TMEM114: variants seen among roughly 807,000 people sequenced by gnomAD.
TMEM114 encodes claudin-26.
In TMEM114, 6 loss-of-function variants were observed where a neutral mutation model predicts 6.2. That is an observed-to-expected ratio of 0.97 (90% confidence interval 0.53 to 1.91). TMEM114 has a LOEUF of 1.91. Ranked by LOEUF, TMEM114 falls within the 40% of genes most tolerant of loss-of-function variation. TMEM114 has a pLI of 0.01. For synonymous variants in TMEM114, 104 were observed against 73.0 expected, an observed-to-expected ratio of 1.42 and a Z score of -2.16; for missense variants, 218 against 158.3, an observed-to-expected ratio of 1.38 and a Z score of -2.02.
chr16:8,565,039 G>A (rs111208702), downstream of TMEM114, among the ~76,000 whole-genome samples: 89 of 147,770 alleles, frequency 6.0e-4, no homozygotes, highest in African/African-American at 2.2e-3. Flanking sequence ...GTGAATGAGT[G>A]AGTGAATGAG....
chr16:8,527,954 C>G, the TMEM114 span, among the ~76,000 whole-genome samples: 14 of 152,180 alleles, frequency 9.2e-5, no homozygotes, highest in Non-Finnish European at 1.3e-4. Context: ...GCTGCCCAGG[C>G]TGGAGTGCAG....
At chr16:8,555,388 A>G (rs34150600) in intron 2 of TMEM114, among the ~76,000 whole-genome samples, 65,007 of 151,938 alleles carry the variant, frequency 0.43, 14,195 homozygotes, top group East Asian at 0.52. Context: ...GCAGTTTTGC[A>G]GTCGTCTTTA....
At chr16:8,560,124 C>G (rs1427996009) in intron 2 of TMEM114, among the ~76,000 whole-genome samples, 2 of 152,146 alleles carry the variant, frequency 1.3e-5, no homozygotes, top group Non-Finnish European at 2.9e-5. Flanking sequence ...TCCTGAGTAG[C>G]TGGGACTACA....
At chr16:8,559,383 C>G (rs1032240543) in intron 2 of TMEM114, among the ~76,000 whole-genome samples, 1 of 150,766 alleles carries the variant, frequency 6.6e-6, no homozygotes, top group African/African-American at 2.5e-5. Context: ...TTCCATCGCA[C>G]AGATCAGGAC....
At chr16:8,566,070 A>T (rs952508896), downstream of TMEM114, among the ~76,000 whole-genome samples, 3 of 152,280 alleles carry the variant, frequency 2.0e-5, no homozygotes, top group Non-Finnish European at 2.9e-5. Context: ...GGCAGGACAG[A>T]TCGAAACAGA....
chr16:8,557,627 C>T (rs1007835137), intron 2 of TMEM114, among the ~76,000 whole-genome samples: 14 of 152,210 alleles, frequency 9.2e-5, no homozygotes, highest in African/African-American at 3.4e-4. Flanking sequence ...CTTAAGAACA[C>T]AGGTGCTGGT....
At chr16:8,557,864 T>C (rs1435484457) in intron 2 of TMEM114, among the ~76,000 whole-genome samples, 2 of 152,202 alleles carry the variant, frequency 1.3e-5, no homozygotes, top group African/African-American at 2.4e-5. Flanking sequence ...ATAGTGACTT[T>C]AGTAACTTCT....
intron 1 of TMEM114, 129 bp downstream of exon 1, chr16:8,589,489 CG>C (rs1902416933): frequency 7.5e-6 from 3 of 397,968 alleles, no homozygotes; most frequent in Non-Finnish European, 1.3e-5. Flanking sequence ...ACCTTCCCCC[CG>C]AGTCCCTAGA....
chr16:8,577,233 T>G lies in TMEM114; in HGVS notation c.302-5009A>C, dbSNP rs577438609. ...CTTCCCTCTACTCTGCAGATCTAAT[T>G]GGCCCTTTCCTTCTCCCACAGCCCC... On this transcript the variant is annotated intron_variant, in intron 2 of 3. Coordinates refer to ENST00000620492, the MANE Select transcript of TMEM114 (RefSeq NM_001146336.2). Among the ~76,000 whole-genome samples the G allele has an allele frequency of 7.9e-4, 120 of 152,334 alleles. 3 individuals are homozygous for G. The South Asian group carries it at 0.024, about 31-fold the overall frequency.
chr16:8,532,817 A>G (rs1349276011), downstream of TMEM114, among the ~76,000 whole-genome samples: 2 of 152,006 alleles, frequency 1.3e-5, no homozygotes, highest in African/African-American at 4.8e-5. Flanking sequence ...CCAGCTACTC[A>G]GGAGGCTGAG....
At chr16:8,583,506 A>T (rs2141699382) in intron 2 of TMEM114, among the ~76,000 whole-genome samples, 1 of 152,276 alleles carries the variant, frequency 6.6e-6, no homozygotes, top group East Asian at 1.9e-4. Context: ...GCACTTTGGG[A>T]GGCCAAGGCA....
chr16:8,578,367 G>A (rs2141693015), intron 2 of TMEM114, among the ~76,000 whole-genome samples: 1 of 152,212 alleles, frequency 6.6e-6, no homozygotes, highest in South Asian at 2.1e-4. Flanking sequence ...GGCAATCTGT[G>A]ATGCTCCCTG....
At chr16:8,536,133 G>A (rs1307738304), downstream of TMEM114, among the ~76,000 whole-genome samples, 1 of 151,610 alleles carries the variant, frequency 6.6e-6, no homozygotes, top group Non-Finnish European at 1.5e-5. Context: ...GCTGAGGCAG[G>A]ACAATCACTT....
intron 2 of TMEM114, among the ~76,000 whole-genome samples, chr16:8,544,585 C>T (rs1900604895): frequency 6.6e-6 from 1 of 152,138 alleles, no homozygotes; most frequent in Admixed American, 6.5e-5. Flanking sequence ...AATGATAGCT[C>T]ATAAGACTCT....
intron 2 of TMEM114, among the ~76,000 whole-genome samples, chr16:8,562,993 T>A (rs919180647): frequency 1.1e-3 from 149 of 139,248 alleles, no homozygotes; most frequent in Middle Eastern, 4.4e-3. Context: ...AAGGAGTGAG[T>A]GAATGAGTGA....
intron 2 of TMEM114, among the ~76,000 whole-genome samples, chr16:8,582,040 G>T (rs1453295137): frequency 1.3e-5 from 2 of 152,218 alleles, no homozygotes; most frequent in African/African-American, 4.8e-5. Flanking sequence ...GGCATCGTGG[G>T]TGGGCTGGTT....
chr16:8,576,294 A>G (rs1280243620), intron 2 of TMEM114, among the ~76,000 whole-genome samples: 2 of 152,198 alleles, frequency 1.3e-5, no homozygotes, highest in African/African-American at 4.8e-5. Context: ...CCAGTCCAGA[A>G]CAAACCTCCA....
chr16:8,562,276 ATG>A (rs1901262776), intron 2 of TMEM114, among the ~76,000 whole-genome samples: 1 of 129,804 alleles, frequency 7.7e-6, no homozygotes, highest in Non-Finnish European at 1.7e-5. Flanking sequence ...GAGGGAGGGA[ATG>A]AGTGAGTGAG....
intron 1 of TMEM114, 90 bp downstream of exon 1, chr16:8,589,529 G>A (rs1902418359): frequency 2.5e-6 from 1 of 398,404 alleles, no homozygotes; most frequent in Non-Finnish European, 4.4e-6. Flanking sequence ...TGGGGGAGGA[G>A]TGCGCGCCAA....
Sources: allele counts gnomAD v4.1 joint callset (sites outside exome capture counted in the v4.1 genomes callset), GRCh38; gene constraint gnomAD v4.1.1; transcripts MANE v1.5; gene names NCBI Gene and HGNC (gene_info 2026-07-23, HGNC 2026-07-21).